WWOX: variants seen among roughly 807,000 people sequenced by gnomAD.
The protein encoded by WWOX is WW domain containing oxidoreductase.
Under a neutral mutation model 46.2 loss-of-function variants are expected in WWOX, and 69 were observed. That is an observed-to-expected ratio of 1.49 (90% CI 1.23 to 1.82). The LOEUF is 1.82. Among genes scored for constraint, WWOX ranks in the 40% most tolerant of loss-of-function variants. The probability of loss-of-function intolerance (pLI) is 0.00; values close to 1 mark genes in which losing one functional copy is unlikely to be tolerated. For synonymous variants in WWOX, 359 were observed against 202.6 expected, an observed-to-expected ratio of 1.77 and a Z score of -6.56; for missense variants, 919 against 542.6, an observed-to-expected ratio of 1.69 and a Z score of -6.89.
chr16:78,386,792 C>T, intron 5 of WWOX, 68 bp from the exon 6 acceptor site: 1 of 1,369,274 alleles, frequency 7.3e-7, no homozygotes. Flanking sequence ...AACACATTTA[C>T]TGTAACTTGA....
chr16:78,115,557 C>G (rs2032736590), intron 4 of WWOX, among the ~76,000 whole-genome samples: 1 of 152,190 alleles, frequency 6.6e-6, no homozygotes, highest in Non-Finnish European at 1.5e-5. Context: ...ACAAAGGATA[C>G]TACAGGTTTC....
At chr16:78,807,898 A>G (rs1364588474) in intron 8 of WWOX, among the ~76,000 whole-genome samples, 2 of 152,256 alleles carry the variant, frequency 1.3e-5, no homozygotes, top group East Asian at 1.9e-4. Context: ...CAGTAGCTAC[A>G]TGTACCTAAC....
At chr16:79,011,896 C>T (rs928190557) in intron 8 of WWOX, among the ~76,000 whole-genome samples, 6 of 152,200 alleles carry the variant, frequency 3.9e-5, no homozygotes, top group Non-Finnish European at 8.8e-5. Flanking sequence ...TCCAGTGATC[C>T]TCCCGCCTCA....
chr16:78,548,503 A>G (rs1314111714), intron 8 of WWOX, among the ~76,000 whole-genome samples: 1 of 152,200 alleles, frequency 6.6e-6, no homozygotes, highest in Non-Finnish European at 1.5e-5. Flanking sequence ...TATTTTTAAA[A>G]TTGTTTTGCA....
At chr16:78,711,251 G>C (rs994490778) in intron 8 of WWOX, among the ~76,000 whole-genome samples, 4 of 152,194 alleles carry the variant, frequency 2.6e-5, no homozygotes, top group Non-Finnish European at 5.9e-5. Context: ...TGTTCAAAGT[G>C]ATGTGGATGT....
At chr16:79,210,666 G>C (rs80121011) in intron 8 of WWOX, among the ~76,000 whole-genome samples, 2,874 of 152,230 alleles carry the variant, frequency 0.019, 25 homozygotes, top group East Asian at 0.039. Context: ...TTTTAAATTA[G>C]AGACGTGCCG....
intron 8 of WWOX, chr16:78,825,906 T>C (rs1259085955): frequency 1.4e-6 from 1 of 710,202 alleles, no homozygotes; most frequent in Non-Finnish European, 2.5e-6. Flanking sequence ...GTGAGCATCA[T>C]GGAACCCAAA....
chr16:78,783,894 T>C (rs1450660346), intron 8 of WWOX, among the ~76,000 whole-genome samples: 1 of 145,558 alleles, frequency 6.9e-6, no homozygotes, highest in Non-Finnish European at 1.6e-5. Context: ...ATGGTGATGA[T>C]GGTGATGACG....
At chr16:78,547,209 G>C (rs1412572087) in intron 8 of WWOX, among the ~76,000 whole-genome samples, 4 of 150,766 alleles carry the variant, frequency 2.7e-5, no homozygotes, top group Admixed American at 2.0e-4. Context: ...CACGGGGATA[G>C]GGTGAGATGA....
chr16:78,487,753 C>A (rs1405035567), intron 8 of WWOX, among the ~76,000 whole-genome samples: 2 of 152,116 alleles, frequency 1.3e-5, no homozygotes, highest in East Asian at 3.9e-4. Context: ...AAAATGGCCC[C>A]TGGTTGGAAA....
In WWOX at chr16:78,826,531, C is replaced by G. The variant is rs114295223; in HGVS notation, c.1057-385077C>G. On this transcript the variant is annotated intron_variant, in intron 8 of 8. Transcript: ENST00000566780. Reference sequence around the variant, plus strand: ...ACTCCAATCCCTGCCTCTGCAGCCACATGGCCTTCTCCTCTTCTCCTGTGT... The same window carrying G: ...ACTCCAATCCCTGCCTCTGCAGCCAGATGGCCTTCTCCTCTTCTCCTGTGT... Among the ~76,000 whole-genome samples, 794 of 152,350 alleles carry G rather than the reference C, an allele frequency of 5.2e-3. 3 individuals are homozygous for G. The highest frequency in any genetic ancestry group is 0.018 in the African/African-American group (750 of 41,578).
At chr16:79,134,738 G>A (rs2049950441) in intron 8 of WWOX, among the ~76,000 whole-genome samples, 1 of 152,170 alleles carries the variant, frequency 6.6e-6, no homozygotes, top group Non-Finnish European at 1.5e-5. Flanking sequence ...AAGTAACTCA[G>A]CTAAGTCTGT....
At chr16:78,524,252 T>C (rs562512175) in intron 8 of WWOX, among the ~76,000 whole-genome samples, 1 of 152,334 alleles carries the variant, frequency 6.6e-6, no homozygotes, top group African/African-American at 2.4e-5. Flanking sequence ...GTGTGACTAA[T>C]ATTAGAAGCA....
intron 8 of WWOX, among the ~76,000 whole-genome samples, chr16:78,463,149 G>T (rs556121160): frequency 6.6e-6 from 1 of 152,194 alleles, no homozygotes; most frequent in African/African-American, 2.4e-5. Flanking sequence ...GGGTTGGCAT[G>T]CCAGAGTGAA....
chr16:78,446,540 C>A lies in WWOX; in HGVS notation c.1056+13788C>A, dbSNP rs114194036. Among the ~76,000 whole-genome samples the A allele has an allele frequency of 7.2e-3, 1,090 of 151,946 alleles. 14 individuals carry two copies. The highest frequency in any genetic ancestry group is 0.025 in the African/African-American group (1,033 of 41,446). ...TTAGATTATTGTGATGATTTTACTA[C>A]TCCTATTATTGATATTATAATTAAT... On this transcript the variant is annotated intron_variant, in intron 8 of 8. Transcript: ENST00000566780.
intron 5 of WWOX, among the ~76,000 whole-genome samples, chr16:78,280,660 G>A (rs781006899): frequency 5.9e-5 from 9 of 151,944 alleles, no homozygotes; most frequent in Non-Finnish European, 7.4e-5. Context: ...CAGAGCGTGG[G>A]GTGGGGGTGG....
chr16:78,124,799 A>G (rs1013815718), intron 4 of WWOX, among the ~76,000 whole-genome samples: 1 of 152,192 alleles, frequency 6.6e-6, no homozygotes, highest in East Asian at 1.9e-4. Flanking sequence ...TGGAGCCTTC[A>G]TGTTAGAAGC....
chr16:78,758,875 G>C (rs1247480190), intron 8 of WWOX, among the ~76,000 whole-genome samples: 1 of 150,724 alleles, frequency 6.6e-6, no homozygotes, highest in Non-Finnish European at 1.5e-5. Flanking sequence ...TTCAAGATTT[G>C]GAAGAGAATC....
chr16:78,143,292 T>C (rs539094902), intron 4 of WWOX, among the ~76,000 whole-genome samples: 21 of 152,368 alleles, frequency 1.4e-4, no homozygotes, highest in Admixed American at 8.5e-4. Context: ...CTTGCTGTTA[T>C]AATTATTCAC....
Sources: allele counts gnomAD v4.1 joint callset (sites outside exome capture counted in the v4.1 genomes callset), GRCh38; gene constraint gnomAD v4.1.1; transcripts MANE v1.5; gene names NCBI Gene and HGNC (gene_info 2026-07-23, HGNC 2026-07-21).